Variants in MRPS5 observed in about 807,000 individuals in gnomAD.
The protein encoded by MRPS5 is small ribosomal subunit protein uS5m.
A neutral mutation model predicts 51.9 loss-of-function variants in MRPS5; 27 were observed. The observed-to-expected ratio is 0.52, with a 90% CI of 0.38 to 0.72. The LOEUF (loss-of-function observed/expected upper bound fraction) is 0.72. Among genes scored for constraint, MRPS5 ranks in the 30% least tolerant of loss-of-function variants. MRPS5 has a pLI of 0.00. For synonymous variants in MRPS5, 196 were observed against 193.2 expected (o/e 1.01, Z -0.12); for missense variants, 570 against 545.7 (o/e 1.04, Z -0.44).
upstream of MRPS5, chr2:95,121,980 CCGCGGACAGCCCCGCGGG>C (rs1676473400): frequency 9.8e-6 from 6 of 610,040 alleles, no homozygotes; most frequent in Non-Finnish European, 1.5e-5. Context: ...CCCGGCGCGA[CCGCGGACAGCCCCGCGGG>C]CGCCTCCCGT....
chr2:95,106,532 G>A, intron 5 of MRPS5, 75 bp from the exon 6 acceptor site: 1 of 1,249,602 alleles, frequency 8.0e-7, no homozygotes, highest in South Asian at 1.2e-5. Flanking sequence ...TTCAACACAG[G>A]CACCATCACA....
intron 6 of MRPS5, 108 bp from the exon 7 acceptor site, chr2:95,104,838 G>A (rs1675904347): frequency 2.4e-5 from 21 of 874,964 alleles, no homozygotes; most frequent in Non-Finnish European, 3.4e-5. Flanking sequence ...GGCACACACA[G>A]AGAACAGGCA....
chr2:95,108,275 C>T lies in MRPS5; in HGVS notation c.537G>A (p.Trp179Ter). 1 of 1,614,122 alleles carries T rather than the reference C, an allele frequency of 6.2e-7. No homozygotes were observed. The highest frequency in any genetic ancestry group is 8.5e-7 in the Non-Finnish European group (1 of 1,180,040). ...EADMIQQREEWDRKKKMKVKR... is the reference protein window; with the variant it reads ...EADMIQQREE ...TAACCTTCATCTTCTTCTTTCGGTC[C>T]CACTCTTCTCTCTGCTGGATCATGT... is the stretch of plus-strand genomic sequence containing the variant. Residue 179 changes from tryptophan to a stop codon, truncating the protein, a stop_gained, in exon 5 of 12, where the codon TGG (tryptophan) becomes TGA (stop). Coordinates refer to ENST00000272418, the MANE Select transcript of MRPS5 (RefSeq NM_031902.5). LOFTEE classifies it high-confidence loss of function.
chr2:95,107,002 T>C (rs139203425), intron 5 of MRPS5, among the ~76,000 whole-genome samples: 157 of 152,310 alleles, frequency 1.0e-3, no homozygotes, highest in African/African-American at 3.6e-3. Context: ...CTGGCCTTTA[T>C]GTCCTTTCGG....
chr2:95,088,272 C>T (rs1482459108), intron 11 of MRPS5, among the ~76,000 whole-genome samples: 3 of 151,964 alleles, frequency 2.0e-5, no homozygotes, highest in East Asian at 3.9e-4. Context: ...CTCATCTTTT[C>T]GAAGATACAT....
chr2:95,121,272 G>A (rs572049581), intron 1 of MRPS5, among the ~76,000 whole-genome samples: 51 of 152,336 alleles, frequency 3.3e-4, no homozygotes, highest in African/African-American at 1.1e-3. Context: ...GGGCTCTTCA[G>A]ATTTCGAAAC....
At chr2:95,088,769 C>T (rs1675372067) in intron 11 of MRPS5, among the ~76,000 whole-genome samples, 1 of 152,142 alleles carries the variant, frequency 6.6e-6, no homozygotes, top group African/African-American at 2.4e-5. Flanking sequence ...AAAGATATCA[C>T]ATAAAAGAAC....
chr2:95,090,621 A>G, intron 10 of MRPS5, 99 bp from the exon 11 acceptor site: 1 of 1,403,272 alleles, frequency 7.1e-7, no homozygotes, highest in South Asian at 1.3e-5. Flanking sequence ...GGGCTTCGGG[A>G]AACTGGTTCA....
chr2:95,111,826 T>C (rs545935984), intron 3 of MRPS5, among the ~76,000 whole-genome samples: 2 of 152,320 alleles, frequency 1.3e-5, no homozygotes, highest in African/African-American at 4.8e-5. Context: ...AATATTACAT[T>C]GTGAGTCTTT....
Position 95,099,236 on chromosome 2 carries a change from T to TA in MRPS5, c.931+1237dup, listed in dbSNP as rs957057351. On this transcript the variant is annotated intron_variant, in intron 10 of 11. Transcript: ENST00000272418. ...CCCGGCCAAAAATTATTTTTAAAAT[T>TA]AAAAAAAAAAAAAGTTGTAGCAGTC... Among the ~76,000 whole-genome samples, 695 of 142,326 alleles carry TA rather than the reference T, an allele frequency of 4.9e-3. 1 individual carries two copies. Among genetic ancestry groups the TA allele is most frequent in the Non-Finnish European group, 5.7e-3 (367 of 64,782 alleles). 93.4% of individuals were successfully genotyped at this position (142,326 alleles called of 152,430 possible).
At chr2:95,115,887 T>C (rs1422296811) in intron 2 of MRPS5, among the ~76,000 whole-genome samples, 1 of 152,148 alleles carries the variant, frequency 6.6e-6, no homozygotes, top group Non-Finnish European at 1.5e-5. Context: ...CTTTAGCTTT[T>C]CTTGTATGCT....
rs1675297619 is a variant in MRPS5 at position 95,086,632 on chromosome 2, T to TA, written c.*724dup. ...GGGGCAGAAAGAGTATGCAAAGAAA[T>TA]AAAAATATATATATTCCACAGAATG... On this transcript the variant is annotated 3_prime_UTR_variant, in exon 12 of 12. Coordinates refer to ENST00000272418, the MANE Select transcript of MRPS5 (RefSeq NM_031902.5). Among the ~76,000 whole-genome samples, 1 of 151,888 alleles carries TA rather than the reference T, an allele frequency of 6.6e-6. No homozygotes were observed. Among genetic ancestry groups the TA allele is most frequent in the South Asian group, 2.1e-4 (1 of 4,822 alleles).
upstream of MRPS5, chr2:95,121,919 A>G (rs1277216127): frequency 9.0e-7 from 1 of 1,109,306 alleles, no homozygotes; most frequent in Non-Finnish European, 1.2e-6. Context: ...TCCACGCAGC[A>G]GCGCAGGCCG....
At chr2:95,109,377 A>T (rs1345500430) in intron 4 of MRPS5, among the ~76,000 whole-genome samples, 1 of 152,234 alleles carries the variant, frequency 6.6e-6, no homozygotes, top group Non-Finnish European at 1.5e-5. Flanking sequence ...CTCTTCCAAA[A>T]GCATGAGTAT....
intron 10 of MRPS5, among the ~76,000 whole-genome samples, chr2:95,099,961 G>A (rs1247074209): frequency 1.3e-5 from 2 of 152,230 alleles, no homozygotes; most frequent in Non-Finnish European, 2.9e-5. Flanking sequence ...TACACTCAGA[G>A]ACCACTAGGC....
chr2:95,101,754 A>C, intron 7 of MRPS5, 31 bp from the exon 8 acceptor site: 1 of 1,558,996 alleles, frequency 6.4e-7, no homozygotes, highest in Non-Finnish European at 8.7e-7. Flanking sequence ...ATAAGAAAAG[A>C]GACAGAAATT....
intron 8 of MRPS5, 29 bp from the exon 9 acceptor site, chr2:95,100,923 A>G (rs777418154): frequency 1.9e-5 from 30 of 1,560,000 alleles, no homozygotes; most frequent in Non-Finnish European, 2.5e-5. Context: ...TCTTAACTCT[A>G]TTGTTGAAAT....
chr2:95,094,680 T>C (rs1315035274), intron 10 of MRPS5, among the ~76,000 whole-genome samples: 4 of 152,162 alleles, frequency 2.6e-5, no homozygotes, highest in African/African-American at 7.2e-5. Flanking sequence ...AAGCAAATAC[T>C]GAGAGATTCT....
intron 1 of MRPS5, among the ~76,000 whole-genome samples, chr2:95,120,895 G>T (rs1429617648): frequency 2.6e-5 from 4 of 152,146 alleles, no homozygotes; most frequent in African/African-American, 9.7e-5. Flanking sequence ...TGAGGCGGGT[G>T]GATCACGAGG....
Sources: gnomAD v4.1 joint callset for allele counts (sites outside exome capture counted in the v4.1 genomes callset) on GRCh38, gnomAD v4.1.1 for gene constraint, MANE v1.5 for transcripts, NCBI Gene and HGNC (gene_info 2026-07-23, HGNC 2026-07-21) for gene names.